ARHGAP42: variants seen among roughly 807,000 people sequenced by gnomAD.
ARHGAP42 encodes rho GTPase-activating protein 42.
In ARHGAP42, 63 loss-of-function variants were observed where a neutral mutation model predicts 125.0. That is an observed-to-expected ratio of 0.50 (90% CI 0.41 to 0.62). ARHGAP42 has a LOEUF of 0.62. Ranked by LOEUF, ARHGAP42 falls within the 20% of genes least tolerant of loss-of-function variation. The probability of loss-of-function intolerance (pLI) is 0.00; values close to 1 mark genes in which losing one functional copy is unlikely to be tolerated. For synonymous variants in ARHGAP42, 339 were observed against 351.0 expected, an observed-to-expected ratio of 0.97 and a Z score of 0.38; for missense variants, 766 against 1,024.2, an observed-to-expected ratio of 0.75 and a Z score of 3.44.
intron 1 of ARHGAP42, among the ~76,000 whole-genome samples, chr11:100,738,828 A>G (rs1276597118): frequency 6.6e-6 from 1 of 152,224 alleles, no homozygotes; most frequent in African/African-American, 2.4e-5. Flanking sequence ...AAGAAGAAGC[A>G]GGGCAAAACA....
chr11:100,852,407 A>T (rs1565242253), intron 3 of ARHGAP42, among the ~76,000 whole-genome samples: 1 of 152,210 alleles, frequency 6.6e-6, no homozygotes, highest in Non-Finnish European at 1.5e-5. Context: ...AAATTCACGA[A>T]TGAATAATTT....
intron 4 of ARHGAP42, among the ~76,000 whole-genome samples, chr11:100,863,109 G>C (rs1242178373): frequency 6.7e-6 from 1 of 150,302 alleles, no homozygotes; most frequent in East Asian, 1.9e-4. Context: ...ATGTTCTTCT[G>C]AAATATATGT....
chr11:100,837,788 C>T (rs944046117), intron 3 of ARHGAP42, among the ~76,000 whole-genome samples: 1 of 146,082 alleles, frequency 6.8e-6, no homozygotes, highest in African/African-American at 2.5e-5. Context: ...ATAATAGGGG[C>T]ATAATGCAGC....
chr11:100,844,487 A>G (rs1865016550), intron 3 of ARHGAP42, among the ~76,000 whole-genome samples: 1 of 152,176 alleles, frequency 6.6e-6, no homozygotes, highest in African/African-American at 2.4e-5. Context: ...CAACAAAAGG[A>G]ACAGTCAACA....
chr11:100,948,337 TC>T, intron 10 of ARHGAP42, 119 bp from the exon 11 acceptor site: 1 of 711,404 alleles, frequency 1.4e-6, no homozygotes, highest in Non-Finnish European at 2.2e-6. Context: ...TATGTTTTTC[TC>T]CTCTGTCTTC....
intron 1 of ARHGAP42, among the ~76,000 whole-genome samples, chr11:100,767,537 T>C (rs1481630038): frequency 6.6e-6 from 1 of 152,116 alleles, no homozygotes; most frequent in African/African-American, 2.4e-5. Flanking sequence ...TACGAGGCCA[T>C]AGGAAGTCAA....
At chr11:100,942,654 A>G (rs899721573) in intron 9 of ARHGAP42, among the ~76,000 whole-genome samples, 8 of 152,178 alleles carry the variant, frequency 5.3e-5, no homozygotes, top group Non-Finnish European at 1.2e-4. Flanking sequence ...GCCTCGCCCA[A>G]TTAGTGGCAT....
intron 4 of ARHGAP42, among the ~76,000 whole-genome samples, chr11:100,860,333 T>G (rs1208369127): frequency 1.3e-5 from 2 of 152,102 alleles, no homozygotes; most frequent in Admixed American, 1.3e-4. Flanking sequence ...TCCTTTCCTC[T>G]TTACGTCTGT....
chr11:100,933,364 C>A, intron 7 of ARHGAP42, 104 bp downstream of exon 7: 1 of 690,236 alleles, frequency 1.4e-6, no homozygotes, highest in South Asian at 2.8e-5. Flanking sequence ...AAAATACAAC[C>A]CACAAAACCC....
intron 1 of ARHGAP42, among the ~76,000 whole-genome samples, chr11:100,760,615 C>T (rs61892355): frequency 0.26 from 38,847 of 151,594 alleles, 5,213 homozygotes; most frequent in Non-Finnish European, 0.29. Flanking sequence ...GCAAGAGAAT[C>T]GTGTGAACCC....
At chr11:100,756,358 A>G (rs1591155357) in intron 1 of ARHGAP42, among the ~76,000 whole-genome samples, 2 of 152,016 alleles carry the variant, frequency 1.3e-5, no homozygotes, top group African/African-American at 4.8e-5. Flanking sequence ...TGATCATGCC[A>G]CTGCACTCTA....
intron 1 of ARHGAP42, among the ~76,000 whole-genome samples, chr11:100,716,886 T>C (rs1387195176): frequency 2.0e-5 from 3 of 152,136 alleles, no homozygotes; most frequent in African/African-American, 7.2e-5. Context: ...AGCAAAGACC[T>C]TGGGTATCAA....
At chr11:100,703,148 G>T (rs1328400520) in intron 1 of ARHGAP42, among the ~76,000 whole-genome samples, 1 of 152,124 alleles carries the variant, frequency 6.6e-6, no homozygotes. Flanking sequence ...CAGGTTTTAC[G>T]TGCAACTGCG....
At chr11:100,857,490 C>T (rs1486530073) in intron 3 of ARHGAP42, among the ~76,000 whole-genome samples, 4 of 152,096 alleles carry the variant, frequency 2.6e-5, no homozygotes, top group African/African-American at 9.7e-5. Context: ...CAATCCTTTC[C>T]TTCCCAATAA....
In ARHGAP42 at chr11:100,976,356, C is replaced by G. The variant is rs549302202; in HGVS notation, c.2155C>G (p.Leu719Val). 3.9e-6 allele frequency: 6 copies of G among 1,551,522 alleles called. No homozygotes were observed. The African/African-American group carries it at 5.5e-5, about 14-fold the overall frequency. ...AGGAGACGTTTCCCCACCCATAGAC[C>G]TAGTCAAGAAAGAGCCTTATGGGCT... is the stretch of plus-strand genomic sequence containing the variant. ...SPGDVSPPIDLVKKEPYGLSG... is the reference protein window; with the variant it reads ...SPGDVSPPIDVVKKEPYGLSG... Residue 719 changes from leucine to valine, a missense_variant, in exon 20 of 24, where the codon CTA (leucine) becomes GTA (valine). This residue lies in a region of ARHGAP42 where 308 missense variants were observed against 369.7 expected (regional missense o/e 0.83). Coordinates refer to ENST00000298815, the MANE Select transcript of ARHGAP42 (RefSeq NM_152432.4).
intron 15 of ARHGAP42, among the ~76,000 whole-genome samples, chr11:100,962,072 G>A (rs1402592029): frequency 2.6e-5 from 4 of 152,054 alleles, no homozygotes; most frequent in Non-Finnish European, 5.9e-5. Flanking sequence ...ATGGAAAGTT[G>A]TGTTGTTTTT....
chr11:100,858,122 T>A (rs1865366445), intron 3 of ARHGAP42, among the ~76,000 whole-genome samples: 1 of 151,286 alleles, frequency 6.6e-6, no homozygotes, highest in Admixed American at 6.6e-5. Context: ...TGTGTGTGTG[T>A]GTTTATGTAA....
At chr11:100,782,449 A>G (rs138099923) in intron 2 of ARHGAP42, among the ~76,000 whole-genome samples, 1 of 152,218 alleles carries the variant, frequency 6.6e-6, no homozygotes, top group Non-Finnish European at 1.5e-5. Flanking sequence ...ATCTGTTAGA[A>G]GTGAGTTAGG....
intron 3 of ARHGAP42, among the ~76,000 whole-genome samples, chr11:100,810,792 A>T (rs571227763): frequency 2.2e-4 from 34 of 152,362 alleles, no homozygotes; most frequent in African/African-American, 8.2e-4. Flanking sequence ...CAGAACACAA[A>T]CTGGGAAAGT....
Sources: gnomAD v4.1 joint callset for allele counts (sites outside exome capture counted in the v4.1 genomes callset) on GRCh38, gnomAD v4.1.1 for gene constraint, gnomAD v4.1.1 regional missense constraint, MANE v1.5 for transcripts, NCBI Gene and HGNC (gene_info 2026-07-23, HGNC 2026-07-21) for gene names.